Variants in RANBP17 observed in about 807,000 individuals in gnomAD.
The protein encoded by RANBP17 is RAN binding protein 17, also known as ran-binding protein 17.
In RANBP17, 158 loss-of-function variants were observed where a neutral mutation model predicts 141.2. The observed-to-expected ratio is 1.12, with a 90% CI of 0.98 to 1.28. RANBP17 has a LOEUF of 1.28. Ranked by LOEUF, RANBP17 falls within the 50% of genes most tolerant of loss-of-function variation. RANBP17 has a pLI of 0.00. For synonymous variants in RANBP17, 430 were observed against 450.0 expected, an observed-to-expected ratio of 0.96 and a Z score of 0.56; for missense variants, 1,438 against 1,290.7, an observed-to-expected ratio of 1.11 and a Z score of -1.75.
At chr5:171,063,509 G>A (rs1287532938) in intron 14 of RANBP17, among the ~76,000 whole-genome samples, 2 of 152,302 alleles carry the variant, frequency 1.3e-5, no homozygotes, top group African/African-American at 2.4e-5. Context: ...CTGTCTGATC[G>A]TTCCTCTGGA....
At chr5:170,961,317 G>T (rs1316185590) in intron 13 of RANBP17, among the ~76,000 whole-genome samples, 7 of 152,180 alleles carry the variant, frequency 4.6e-5, no homozygotes, top group Non-Finnish European at 8.8e-5. Context: ...TGCTTATTTA[G>T]TTGGATACCT....
At chr5:171,063,910 C>A (rs1361345446) in intron 14 of RANBP17, among the ~76,000 whole-genome samples, 1 of 152,242 alleles carries the variant, frequency 6.6e-6, no homozygotes, top group Non-Finnish European at 1.5e-5. Context: ...GCAGTTTGAT[C>A]TCAGACTGCT....
In RANBP17 at chr5:170,918,720, C is replaced by G. The variant is rs747746658; in HGVS notation, c.962C>G (p.Ser321Cys). 8 of 1,601,336 alleles carry G rather than the reference C, an allele frequency of 5.0e-6. No individual in the cohort carries two copies. Among genetic ancestry groups the G allele is most frequent in the African/African-American group, 2.7e-5 (2 of 74,120 alleles). ...KRILENPQGL[S>C]DPGNYHEFCR... ...TTTTGTCTCATAATTTAGGGTTTGT[C>G]TGATCCAGGTAATTATCATGAATTT... The change falls in exon 10 of 28, where the codon TCT becomes TGT. Residue 321 changes from serine to cysteine, a missense_variant. Ser to Cys is a moderately radical substitution (Grantham distance 112, BLOSUM62 -1). Coordinates refer to ENST00000523189, the MANE Select transcript of RANBP17 (RefSeq NM_022897.5).
intron 22 of RANBP17, among the ~76,000 whole-genome samples, chr5:171,228,352 T>C (rs1764000280): frequency 1.3e-5 from 2 of 152,222 alleles, no homozygotes; most frequent in Admixed American, 6.5e-5. Flanking sequence ...GCAGATGTGG[T>C]TGAAACAGCA....
chr5:171,152,856 C>T (rs1036037608), intron 14 of RANBP17, among the ~76,000 whole-genome samples: 6 of 152,182 alleles, frequency 3.9e-5, no homozygotes, highest in South Asian at 4.1e-4. Flanking sequence ...AATCTTATGA[C>T]GAAGGTGTCA....
At chr5:171,298,170 TTC>T (rs1446858083) in intron 27 of RANBP17, among the ~76,000 whole-genome samples, 18 of 152,200 alleles carry the variant, frequency 1.2e-4, no homozygotes, top group African/African-American at 3.8e-4. Flanking sequence ...AATTCTCACT[TTC>T]TGCAATCCCT....
intron 14 of RANBP17, among the ~76,000 whole-genome samples, chr5:171,060,140 A>AT (rs1783708390): frequency 1.2e-5 from 1 of 85,872 alleles, no homozygotes; most frequent in Non-Finnish European, 2.4e-5. Context: ...TCTTTTCCTA[A>AT]TTGAATACCC....
Position 171,221,776 on chromosome 5 carries a change from T to G in RANBP17, c.2358T>G (p.Phe786Leu). 1 of 1,609,916 alleles carries G rather than the reference T, an allele frequency of 6.2e-7. No individual in the cohort carries two copies. The highest frequency in any genetic ancestry group is 8.5e-7 in the Non-Finnish European group (1 of 1,176,876). The change falls in exon 22 of 28, where the codon TTT becomes TTG. Residue 786 changes from phenylalanine (F) to leucine (L), a missense_variant. Physicochemically the swap from Phe to Leu is conservative, Grantham distance 22. Transcript: ENST00000523189. ...LMQNRSQRLN[F>L]DVSSPNGILL... ...TTCTTAGATCCCAGCGTTTGAATTT[T>G]GATGTATCATCTCCTAATGGAATTC...
chr5:171,054,199 C>CA (rs1783189688), intron 14 of RANBP17, among the ~76,000 whole-genome samples: 1 of 151,622 alleles, frequency 6.6e-6, no homozygotes, highest in Admixed American at 6.6e-5. Flanking sequence ...GTTTTGTTTT[C>CA]GGGGGTTTTT....
intron 14 of RANBP17, among the ~76,000 whole-genome samples, chr5:171,146,264 G>A (rs1004238155): frequency 6.6e-6 from 1 of 152,208 alleles, no homozygotes; most frequent in Non-Finnish European, 1.5e-5. Context: ...TTGAAAAGTG[G>A]ATAAGGCTTT....
chr5:171,155,831 A>G (rs2127844213), intron 14 of RANBP17, among the ~76,000 whole-genome samples: 1 of 152,290 alleles, frequency 6.6e-6, no homozygotes, highest in Non-Finnish European at 1.5e-5. Flanking sequence ...TGAATCATGC[A>G]CAAAAGAGCC....
intron 14 of RANBP17, among the ~76,000 whole-genome samples, chr5:171,105,249 G>A (rs1001193561): frequency 2.0e-5 from 3 of 149,356 alleles, no homozygotes; most frequent in Admixed American, 2.0e-4. Context: ...GGGCGTAGTG[G>A]CGGGCGCCTG....
At chr5:171,223,550 G>T (rs1160581381) in intron 22 of RANBP17, among the ~76,000 whole-genome samples, 1 of 152,156 alleles carries the variant, frequency 6.6e-6, no homozygotes, top group Non-Finnish European at 1.5e-5. Context: ...CAGGAGGATC[G>T]TTTGAACCCG....
In RANBP17 at chr5:171,242,803, A is replaced by G. The variant is rs375231496; in HGVS notation, c.2759A>G (p.Glu920Gly). The part of the protein sequence containing the change: ...VLMYVLTSIS[E>G]GLTTLDTVVS... ...ATGTATGTTCTCACATCTATCTCAG[A>G]GGGACTCACTACTCTTGGTAAGGAT... The change falls in exon 24 of 28, where the codon GAG (glutamate) becomes GGG (glycine). Residue 920 changes from glutamate to glycine, a missense_variant. By Grantham distance (98) the Glu-to-Gly change is moderately conservative. Transcript: ENST00000523189. 1.9e-5 allele frequency: 31 copies of G among 1,613,662 alleles called. No homozygotes were observed. The African/African-American group carries it at 4.0e-4, about 21-fold the overall frequency.
At chr5:171,135,007 G>A (rs961570465) in intron 14 of RANBP17, among the ~76,000 whole-genome samples, 6 of 151,502 alleles carry the variant, frequency 4.0e-5, no homozygotes, top group East Asian at 2.0e-4. Flanking sequence ...GGTGGCTCAC[G>A]CCTGTAATCC....
intron 14 of RANBP17, among the ~76,000 whole-genome samples, chr5:171,013,668 A>G (rs1429476053): frequency 6.6e-6 from 1 of 152,012 alleles, no homozygotes; most frequent in Admixed American, 6.6e-5. Context: ...GTAGCTTCTA[A>G]TAAGTCTTGA....
chr5:171,258,154 CA>C (rs1561807017), intron 24 of RANBP17, among the ~76,000 whole-genome samples: 16 of 149,600 alleles, frequency 1.1e-4, no homozygotes, highest in East Asian at 3.9e-4. Context: ...CACACACACA[CA>C]CACACCCCTA....
intron 12 of RANBP17, among the ~76,000 whole-genome samples, chr5:170,928,075 C>T (rs1241176306): frequency 6.6e-6 from 1 of 152,096 alleles, no homozygotes; most frequent in African/African-American, 2.4e-5. Context: ...AGTGTTATCT[C>T]ACTGTGGTTA....
At chr5:171,196,387 A>G (rs11134679) in intron 18 of RANBP17, among the ~76,000 whole-genome samples, 109,156 of 152,062 alleles carry the variant, frequency 0.72, 39,353 homozygotes, top group South Asian at 0.85. Flanking sequence ...ACGGAATCAG[A>G]AAGTTTTTTT....
Sources: gnomAD v4.1 joint callset for allele counts (sites outside exome capture counted in the v4.1 genomes callset) on GRCh38, gnomAD v4.1.1 for gene constraint, MANE v1.5 for transcripts, NCBI Gene and HGNC (gene_info 2026-07-23, HGNC 2026-07-21) for gene names.